TENT5B: variants seen among roughly 807,000 people sequenced by gnomAD.
TENT5B encodes the protein terminal nucleotidyltransferase 5B, also known as family with sequence similarity 46 member B.
A neutral mutation model predicts 21.7 loss-of-function variants in TENT5B; 12 were observed. That is an observed-to-expected ratio of 0.55 (90% confidence interval 0.36 to 0.90). TENT5B has a LOEUF of 0.90. Ranked by LOEUF, TENT5B falls within the 40% of genes least tolerant of loss-of-function variation. TENT5B has a pLI of 0.01. For missense variants in TENT5B, 540 were observed against 601.5 expected, an observed-to-expected ratio of 0.90 and a Z score of 1.07; for synonymous variants, 262 against 266.6, an observed-to-expected ratio of 0.98 and a Z score of 0.17.
In TENT5B at chr1:27,006,907, C is replaced by A; in HGVS notation, c.315G>T (p.Arg105=). 6.2e-7 allele frequency: 1 copy of A among 1,612,386 alleles called. No homozygotes were observed. The highest frequency in any genetic ancestry group is 2.2e-5 in the East Asian group (1 of 44,874). ...EEQGLHVHSV[R]LHGSAASHVL... Reference sequence around the variant, plus strand: ...CGTGGCTGGCAGCTGAACCATGCAGCCGCACACTGTGCACATGTAGTCCCT... The same window carrying A: ...CGTGGCTGGCAGCTGAACCATGCAGACGCACACTGTGCACATGTAGTCCCT... Residue 105 remains arginine (R), a synonymous_variant, in exon 2 of 2, where the codon CGG becomes CGT. Transcript: ENST00000289166. The surrounding 1 kb of genome is among the most constrained non-coding windows in gnomAD (Gnocchi z 9.4).
rs113342167 is a variant in TENT5B, at chr1:27,006,103, C to T, written c.1119G>A (p.Ala373=). The T allele has an allele frequency of 8.7e-6, 14 of 1,609,182 alleles. No homozygotes were observed. Among genetic ancestry groups the T allele is most frequent in the African/African-American group, 2.7e-5 (2 of 74,992 alleles). Residue 373 remains alanine, a synonymous_variant, in exon 2 of 2, where the codon GCG becomes GCA. Transcript: ENST00000289166. This position sits in a 1 kb window ranked among gnomAD's most constrained non-coding sequence, Gnocchi z 9.4. ...GGCCCTGCTCAGCCAGTGCCTGCAG[C>T]GCCAGTGCGGCAATGAGGTCCAGCG... ...RQTLDLIAAL[A]LQALAEQGPA...
intron 1 of TENT5B, among the ~76,000 whole-genome samples, chr1:27,007,519 G>A (rs2082606523): frequency 6.6e-6 from 1 of 151,766 alleles, no homozygotes; most frequent in South Asian, 2.1e-4. Flanking sequence ...AGCCTCCCGA[G>A]TAGTTGGGAT....
At position 27,005,906 on chromosome 1, in the gene TENT5B, G is replaced by A. The variant is rs777465397; in HGVS notation, c.*38C>T. The A allele has an allele frequency of 1.6e-5, 25 of 1,515,340 alleles. No homozygotes were observed. The highest frequency in any genetic ancestry group is 9.7e-5 in the African/African-American group (7 of 71,818). 93.9% of individuals were successfully genotyped at this position (1,515,340 alleles called of 1,614,324 possible). A position where few individuals can be genotyped will look rare whatever the true frequency, so the allele number is the denominator to read the frequency against. ...ACTCTTGGAGGCCCCACCCCACCCC[G>A]TGAGGCCCAGTCCCTTCCCTTCTGG... On this transcript the variant is annotated 3_prime_UTR_variant, in exon 2 of 2. Transcript: ENST00000289166.
intron 1 of TENT5B, among the ~76,000 whole-genome samples, chr1:27,008,458 A>C (rs2082610609): frequency 6.6e-6 from 1 of 152,178 alleles, no homozygotes; most frequent in South Asian, 2.1e-4. Context: ...AGATATTGTC[A>C]TGGCAATGGG....
In TENT5B at chr1:27,007,021, C is replaced by T. The variant is rs185227063; in HGVS notation, c.265-64G>A. 84 of 1,451,028 alleles carry T rather than the reference C, an allele frequency of 5.8e-5. No individual in the cohort carries two copies. In the South Asian group the frequency reaches 9.0e-4, roughly 16 times the overall value. 89.9% of individuals were successfully genotyped at this position (1,451,028 alleles called of 1,614,324 possible). ...GCCTCAGGGGTCCACCAAGGACTTCCGTTTACTTATCACGGTAACTTCAAC... is the reference window on the plus strand; with the variant it reads ...GCCTCAGGGGTCCACCAAGGACTTCTGTTTACTTATCACGGTAACTTCAAC... On this transcript the variant is annotated intron_variant, in intron 1 of 1. Transcript: ENST00000289166.
chr1:27,008,247 C>G (rs1364277531), intron 1 of TENT5B, among the ~76,000 whole-genome samples: 1 of 152,164 alleles, frequency 6.6e-6, no homozygotes, highest in Non-Finnish European at 1.5e-5. Flanking sequence ...GACCAGGCAG[C>G]ATTCCTGTCC....
At chr1:27,008,897 A>C (rs1340452042) in intron 1 of TENT5B, among the ~76,000 whole-genome samples, 1 of 145,332 alleles carries the variant, frequency 6.9e-6, no homozygotes, top group African/African-American at 2.6e-5. Flanking sequence ...GTACTATGCC[A>C]GGCCAAGTCT....
intron 1 of TENT5B, among the ~76,000 whole-genome samples, chr1:27,008,289 A>G (rs2082609774): frequency 6.6e-6 from 1 of 152,176 alleles, no homozygotes; most frequent in Non-Finnish European, 1.5e-5. Context: ...CTTGCTGCCA[A>G]GTCAGCACCC....
At chr1:27,008,447 AAG>A (rs1428457602) in intron 1 of TENT5B, among the ~76,000 whole-genome samples, 4 of 152,120 alleles carry the variant, frequency 2.6e-5, no homozygotes, top group Non-Finnish European at 5.9e-5. Context: ...TTACCAGGGG[AAG>A]ATATTGTCAT....
Position 27,005,852 on chromosome 1 carries a change from T to C in TENT5B, c.*92A>G. 1 of 1,477,076 alleles carries C rather than the reference T, an allele frequency of 6.8e-7. No individual in the cohort carries two copies. The highest frequency in any genetic ancestry group is 2.3e-5 in the East Asian group (1 of 43,146). 91.5% of individuals were successfully genotyped at this position (1,477,076 alleles called of 1,614,324 possible). On this transcript the variant is annotated 3_prime_UTR_variant, in exon 2 of 2. Coordinates refer to ENST00000289166, the MANE Select transcript of TENT5B (RefSeq NM_052943.4). ...CTGCAGTGCTGGGCCTCCTGGCACATTCTGCGCCTCTGGTCATGTCCTCCA... is the reference window on the plus strand; with the variant it reads ...CTGCAGTGCTGGGCCTCCTGGCACACTCTGCGCCTCTGGTCATGTCCTCCA...
At chr1:27,012,375 T>C in intron 1 of TENT5B, 32 bp downstream of exon 1, 1 of 1,599,502 alleles carries the variant, frequency 6.3e-7, no homozygotes, top group Admixed American at 1.7e-5. Flanking sequence ...CAGAAGGGAT[T>C]CCCCCACATC....
rs756302085 is a variant in TENT5B, at chr1:27,006,260, C to T, written c.962G>A (p.Arg321His). The T allele has an allele frequency of 1.9e-6, 3 of 1,612,610 alleles. No individual in the cohort carries two copies. Among genetic ancestry groups the T allele is most frequent in the South Asian group, 1.1e-5 (1 of 91,036 alleles). The change falls in exon 2 of 2, where the codon CGC becomes CAC. Residue 321 changes from arginine (R) to histidine (H), a missense_variant. By Grantham distance (29) the Arg-to-His change is conservative (BLOSUM62 0). Coordinates refer to ENST00000289166, the MANE Select transcript of TENT5B (RefSeq NM_052943.4). The surrounding 1 kb of genome is among the most constrained non-coding windows in gnomAD (Gnocchi z 9.4). ...IDFPDLVEQR[R>H]TLERYLEAHF... ...GGCCTCCAGGTAGCGCTCTAGGGTG[C>T]GCCGCTGCTCCACCAGGTCTGGAAA...
intron 1 of TENT5B, among the ~76,000 whole-genome samples, chr1:27,008,762 C>CAGCTAA (rs1211280937): frequency 6.6e-6 from 1 of 151,676 alleles, no homozygotes; most frequent in Admixed American, 6.6e-5. Flanking sequence ...TCACCACACT[C>CAGCTAA]AGCTAATTTT....
In TENT5B at chr1:27,006,968, G is replaced by C; in HGVS notation, c.265-11C>G. 4 of 1,560,200 alleles carry C rather than the reference G, an allele frequency of 2.6e-6. No individual in the cohort carries two copies. The highest frequency in any genetic ancestry group is 1.4e-5 in the African/African-American group (1 of 74,046). ...GGTGCTGCGGACCACCTGCAGGGGAGAGCAGGAAGGAGAGGTGTCAGGAGC... is the reference window on the plus strand; with the variant it reads ...GGTGCTGCGGACCACCTGCAGGGGACAGCAGGAAGGAGAGGTGTCAGGAGC... On this transcript the variant is annotated splice_polypyrimidine_tract_variant and intron_variant, in intron 1 of 1. Coordinates refer to ENST00000289166, the MANE Select transcript of TENT5B (RefSeq NM_052943.4). The surrounding 1 kb of genome is among the most constrained non-coding windows in gnomAD (Gnocchi z 9.4).
chr1:27,008,153 G>A (rs1379625987), intron 1 of TENT5B, among the ~76,000 whole-genome samples: 1 of 152,154 alleles, frequency 6.6e-6, no homozygotes, highest in Admixed American at 6.5e-5. Flanking sequence ...TGGTCCCTCC[G>A]CTGAGGTACC....
At chr1:27,008,977 CTTTTTTTTTTTTTTTTTTTTT>C (rs58360969) in intron 1 of TENT5B, among the ~76,000 whole-genome samples, 1 of 30,978 alleles carries the variant, frequency 3.2e-5, no homozygotes, top group African/African-American at 1.4e-4. Flanking sequence ...CTCCATCCTT[CTTTTTTTTTTTTTTTTTTTTT>C]TTTTTTTTTT....
chr1:27,012,744 G>A lies in TENT5B; in HGVS notation c.-74C>T. ...GGGAGGAGGACAGGGAGAGCGGCTG[G>A]GCAGGGGCCAAGGCGGGGGGCACGA... On this transcript the variant is annotated 5_prime_UTR_variant, in exon 1 of 2. Coordinates refer to ENST00000289166, the MANE Select transcript of TENT5B (RefSeq NM_052943.4). 1 of 1,391,904 alleles carries A rather than the reference G, an allele frequency of 7.2e-7. No homozygotes were observed. The highest frequency in any genetic ancestry group is 9.2e-7 in the Non-Finnish European group (1 of 1,081,532). 86.2% of individuals were successfully genotyped at this position (1,391,904 alleles called of 1,614,324 possible). A position where few individuals can be genotyped will look rare whatever the true frequency, so the allele number is the denominator to read the frequency against.
rs2082631215 is a variant in TENT5B, at chr1:27,012,804, A to G, written c.-134T>C. 1.7e-6 allele frequency: 2 copies of G among 1,188,082 alleles called. No individual in the cohort carries two copies. The highest frequency in any genetic ancestry group is 7.9e-5 in the Admixed American group (2 of 25,298). The allele number at this position is 1,188,082 out of a possible 1,614,324, so 73.6% of individuals were successfully genotyped here. A position where few individuals can be genotyped will look rare whatever the true frequency, so the allele number is the denominator to read the frequency against. On this transcript the variant is annotated 5_prime_UTR_variant, in exon 1 of 2. Coordinates refer to ENST00000289166, the MANE Select transcript of TENT5B (RefSeq NM_052943.4). The stretch of plus-strand genomic sequence containing the variant: ...CGGGGCGGCAACGACGGCGAGACAA[A>G]GCCAGGGAACACCTCAGACGGCGAC...
At position 27,008,977 on chromosome 1, in the gene TENT5B, C is replaced by CTTTTTT. The variant is rs58360969; in HGVS notation, c.265-2026_265-2021dup. Among the ~76,000 whole-genome samples, 37 of 31,006 alleles carry CTTTTTT rather than the reference C, an allele frequency of 1.2e-3. 5 individuals are homozygous for CTTTTTT. The highest frequency in any genetic ancestry group is 4.1e-3 in the African/African-American group (30 of 7,354). 20.3% of individuals were successfully genotyped at this position (31,006 alleles called of 152,430 possible). ...CTCTACCTTCCTTTCCTCCATCCTT[C>CTTTTTT]TTTTTTTTTTTTTTTTTTTTTTTTT... On this transcript the variant is annotated intron_variant, in intron 1 of 1. Transcript: ENST00000289166.
Sources: gnomAD v4.1 joint callset for allele counts (sites outside exome capture counted in the v4.1 genomes callset) on GRCh38, gnomAD v4.1.1 for gene constraint, Gnocchi (gnomAD v3.1) non-coding constraint, MANE v1.5 for transcripts, NCBI Gene and HGNC (gene_info 2026-07-23, HGNC 2026-07-21) for gene names.